Variants in MICAL3 observed in about 807,000 individuals in gnomAD.
MICAL3 encodes [F-actin]-monooxygenase MICAL3.
MICAL3 carries 62 observed loss-of-function variants against 207.4 expected under a neutral mutation model. The ratio of observed to expected loss-of-function variants is 0.30; its 90% CI spans 0.24 to 0.37. MICAL3 has a LOEUF of 0.37. Among genes scored for constraint, MICAL3 ranks in the 10% least tolerant of loss-of-function variants. The pLI, the probability that MICAL3 is intolerant of heterozygous loss-of-function variation, is 1.00. For missense variants in MICAL3, 2,368 were observed against 2,635.6 expected, an observed-to-expected ratio of 0.90 and a Z score of 2.22; for synonymous variants, 1,077 against 1,069.3, an observed-to-expected ratio of 1.01 and a Z score of -0.14.
intron 1 of MICAL3, among the ~76,000 whole-genome samples, chr22:17,999,411 T>C (rs1426380330): frequency 6.6e-6 from 1 of 152,062 alleles, no homozygotes; most frequent in Admixed American, 6.6e-5. Context: ...GGAGGAGGAA[T>C]GGGGGGGACC....
intron 19 of MICAL3, chr22:17,860,791 T>TA: frequency 1.0e-6 from 1 of 984,116 alleles, no homozygotes; most frequent in Non-Finnish European, 1.2e-6. Flanking sequence ...CTCACCTCCT[T>TA]ACAGGCGTGC....
Position 17,896,777 on chromosome 22 carries a change from C to T in MICAL3, c.1153G>A (p.Glu385Lys). ...YASENAALVR[E>K]QNGHQLLVAL... ...ACTAGTAACTGGTGTCCGTTCTGCT[C>T]CCGCACCAAGGCGGCGTTCTCGGAG... The change falls in exon 8 of 32, where the codon GAG (glutamate) becomes AAG (lysine). Residue 385 changes from glutamate to lysine, a missense_variant. Transcript: ENST00000441493. The T allele has an allele frequency of 6.2e-7, 1 of 1,613,994 alleles. No individual in the cohort carries two copies. The highest frequency in any genetic ancestry group is 2.2e-5 in the East Asian group (1 of 44,884).
chr22:17,860,937 A>G (rs1023669845), intron 19 of MICAL3: 2 of 984,538 alleles, frequency 2.0e-6, no homozygotes, highest in African/African-American at 3.5e-5. Flanking sequence ...ACTATAATTT[A>G]GGGTGCAACA....
chr22:17,879,928 G>A lies in MICAL3; in HGVS notation c.2241+5950C>T, dbSNP rs550887051. Among the ~76,000 whole-genome samples the A allele has an allele frequency of 1.6e-4, 24 of 152,338 alleles. No individual in the cohort carries two copies. In the East Asian group the frequency reaches 1.9e-3, roughly 12 times the overall value. On this transcript the variant is annotated intron_variant, in intron 16 of 31. Coordinates refer to ENST00000441493, the MANE Select transcript of MICAL3 (RefSeq NM_015241.3). ...AGGGAGAAGTGAATGTGTTTTTGGC[G>A]AATGGACGGGAAGGTATATGTGAAA... is the stretch of plus-strand genomic sequence containing the variant.
At chr22:17,905,465 T>A (rs1197213327) in intron 2 of MICAL3, among the ~76,000 whole-genome samples, 1 of 152,192 alleles carries the variant, frequency 6.6e-6, no homozygotes, top group Admixed American at 6.5e-5. Flanking sequence ...TAGTTTGCTC[T>A]GTGTGTGCGG....
intron 1 of MICAL3, among the ~76,000 whole-genome samples, chr22:17,914,401 T>A (rs935137882): frequency 4.6e-5 from 7 of 151,974 alleles, no homozygotes; most frequent in African/African-American, 1.7e-4. Flanking sequence ...TTCACCACCA[T>A]CCCGCGAGGC....
In MICAL3 at chr22:17,822,969, G is replaced by A; in HGVS notation, c.3285C>T (p.Asp1095=). Residue 1095 remains aspartate (D), a synonymous_variant, in exon 23 of 32, where the codon GAC becomes GAT. Transcript: ENST00000441493. ...TACCATCATCCAGCTCAGCACCAGT[G>A]TCCCCTGGGTCCCCATCCTCTGCTG... ...GEAAEDGDPG[D]TGAELDDDQH... 1 of 1,612,734 alleles carries A rather than the reference G, an allele frequency of 6.2e-7. No homozygotes were observed. The highest frequency in any genetic ancestry group is 1.7e-5 in the Admixed American group (1 of 59,966).
Position 17,865,900 on chromosome 22 carries a change from C to T in MICAL3, c.2517+24G>A, listed in dbSNP as rs779856765. ...GCTGCAACACCCACTGCTTCTCCCC[C>T]ACTTACAGGAGAGTCACCATTACCT... is the stretch of plus-strand genomic sequence containing the variant. On this transcript the variant is annotated intron_variant, in intron 18 of 31. Coordinates refer to ENST00000441493, the MANE Select transcript of MICAL3 (RefSeq NM_015241.3). 5 of 1,587,706 alleles carry T rather than the reference C, an allele frequency of 3.1e-6. No individual in the cohort carries two copies. The South Asian group carries it at 5.5e-5, about 18-fold the overall frequency.
At chr22:17,872,696 T>G in intron 16 of MICAL3, 1 of 1,109,112 alleles carries the variant, frequency 9.0e-7, no homozygotes, top group South Asian at 1.2e-5. Context: ...CAGGTGTGTT[T>G]CCCATGGCTG....
intron 29 of MICAL3, among the ~76,000 whole-genome samples, chr22:17,799,985 C>T (rs890877632): frequency 2.0e-4 from 30 of 148,674 alleles, no homozygotes; most frequent in African/African-American, 3.6e-4. Context: ...CACACACACG[C>T]GTTGGGAAAC....
intron 19 of MICAL3, among the ~76,000 whole-genome samples, chr22:17,854,902 G>A (rs1276658334): frequency 1.3e-5 from 2 of 152,206 alleles, no homozygotes; most frequent in Admixed American, 6.5e-5. Flanking sequence ...ACAGCAGGAC[G>A]TCTCACTAAA....
rs557213322 is a variant in MICAL3, at chr22:17,808,793, G to A, written c.5650+51C>T. The A allele has an allele frequency of 3.1e-4, 460 of 1,468,614 alleles. 6 individuals are homozygous for A. The South Asian group carries it at 5.2e-3, about 17-fold the overall frequency. 91.0% of individuals were successfully genotyped at this position (1,468,614 alleles called of 1,614,324 possible). On this transcript the variant is annotated intron_variant, in intron 29 of 31. Transcript: ENST00000441493. ...GAAGCAAAACTAGCCTACCACGGCG[G>A]GAGGGAGGGCTTCCTCCAGGAGCAG...
At chr22:17,975,368 TA>T (rs1039202617) in intron 1 of MICAL3, among the ~76,000 whole-genome samples, 3 of 151,158 alleles carry the variant, frequency 2.0e-5, no homozygotes, top group Non-Finnish European at 3.0e-5. Flanking sequence ...CCCGCAAATT[TA>T]AAAAAAAATC....
In MICAL3 at chr22:17,817,869, G is replaced by A. The variant is rs868514291; in HGVS notation, c.4792C>T (p.Arg1598Ter). ...CTCTTCACGGACTTCTCCCTGGCTC[G>A]CATGCGCTCCTCGGCCAACTCCTTG... ...EAKELAEERM[R>*]AREKSVKSQA... Residue 1598 changes from arginine to a stop codon, truncating the protein, a stop_gained, in exon 26 of 32, where the codon CGA becomes TGA. Transcript: ENST00000441493. LOFTEE classifies it high-confidence loss of function. 4 of 1,612,186 alleles carry A rather than the reference G, an allele frequency of 2.5e-6. No homozygotes were observed. The highest frequency in any genetic ancestry group is 3.3e-5 in the Admixed American group (2 of 59,972).
chr22:17,815,959 C>T (rs1251011447), intron 27 of MICAL3, among the ~76,000 whole-genome samples: 4 of 152,202 alleles, frequency 2.6e-5, no homozygotes, highest in African/African-American at 7.2e-5. Flanking sequence ...AAGCTTTTGA[C>T]GCAAAAGGGA....
At chr22:18,000,001 C>A (rs1180308005) in intron 1 of MICAL3, among the ~76,000 whole-genome samples, 2 of 152,164 alleles carry the variant, frequency 1.3e-5, no homozygotes, top group Non-Finnish European at 2.9e-5. Flanking sequence ...GATGTGCTCA[C>A]GGGAGAAGGT....
At chr22:17,963,615 G>A (rs1171192322) in intron 1 of MICAL3, among the ~76,000 whole-genome samples, 2 of 152,110 alleles carry the variant, frequency 1.3e-5, no homozygotes, top group Non-Finnish European at 2.9e-5. Context: ...TTGGCACTGA[G>A]GTGAGACTCT....
chr22:17,871,376 C>T (rs933155429), intron 17 of MICAL3, among the ~76,000 whole-genome samples: 3 of 152,162 alleles, frequency 2.0e-5, no homozygotes, highest in Non-Finnish European at 2.9e-5. Flanking sequence ...GGTGTTAACA[C>T]GGGCCACCTT....
At chr22:17,864,422 C>T (rs1926834782) in intron 19 of MICAL3, 1 of 1,393,374 alleles carries the variant, frequency 7.2e-7, no homozygotes, top group Non-Finnish European at 9.3e-7. Flanking sequence ...GAACCCAAAA[C>T]AAGACCACGG....
Sources: allele counts gnomAD v4.1 joint callset (sites outside exome capture counted in the v4.1 genomes callset), GRCh38; gene constraint gnomAD v4.1.1; transcripts MANE v1.5; gene names NCBI Gene and HGNC (gene_info 2026-07-23, HGNC 2026-07-21).